Variants in USH2A observed in about 807,000 individuals in gnomAD.
USH2A encodes Usher syndrome 2A (autosomal recessive, mild).
USH2A carries 443 observed loss-of-function variants against 538.9 expected under a neutral mutation model. That is an observed-to-expected ratio of 0.82 (90% CI 0.76 to 0.89). The LOEUF is 0.89. Ranked by LOEUF, USH2A falls within the 40% of genes least tolerant of loss-of-function variation. USH2A has a pLI of 0.00. For missense variants in USH2A, 6,633 were observed against 6,324.8 expected, an observed-to-expected ratio of 1.05 and a Z score of -1.65; for synonymous variants, 2,413 against 2,273.5, an observed-to-expected ratio of 1.06 and a Z score of -1.75.
At chr1:216,415,508 CT>C (rs71161423) in intron 3 of USH2A, among the ~76,000 whole-genome samples, 237 of 96,852 alleles carry the variant, frequency 2.4e-3, no homozygotes, top group Non-Finnish European at 3.1e-3. Context: ...CTTCCTGTCA[CT>C]TTTTTTTTTT....
intron 32 of USH2A, among the ~76,000 whole-genome samples, chr1:216,021,981 C>T (rs1387441838): frequency 1.3e-5 from 2 of 152,044 alleles, no homozygotes; most frequent in Non-Finnish European, 2.9e-5. Context: ...AGTTCTCACT[C>T]TTAGCTCCCA....
intron 9 of USH2A, among the ~76,000 whole-genome samples, chr1:216,296,598 T>G (rs1485868621): frequency 6.6e-6 from 1 of 152,054 alleles, no homozygotes; most frequent in Non-Finnish European, 1.5e-5. Flanking sequence ...TGAGGGAATT[T>G]AGAGAGGAGA....
At chr1:216,194,717 A>G (rs1489356269) in intron 19 of USH2A, among the ~76,000 whole-genome samples, 1 of 152,128 alleles carries the variant, frequency 6.6e-6, no homozygotes, top group Non-Finnish European at 1.5e-5. Flanking sequence ...TTCTACCACC[A>G]CTAAGAAGGA....
At chr1:216,391,460 T>C (rs1558067821) in intron 3 of USH2A, among the ~76,000 whole-genome samples, 1 of 152,018 alleles carries the variant, frequency 6.6e-6, no homozygotes, top group Non-Finnish European at 1.5e-5. Flanking sequence ...TATTAATCTT[T>C]AAAAAAAATG....
chr1:215,662,182 AG>A (rs1233529338), intron 64 of USH2A, among the ~76,000 whole-genome samples: 1 of 152,184 alleles, frequency 6.6e-6, no homozygotes, highest in Non-Finnish European at 1.5e-5. Flanking sequence ...ACAGGACCTA[AG>A]TTTTAGGTGA....
At position 216,247,245 on chromosome 1, in the gene USH2A, TA is replaced by T. The variant is rs779513055; in HGVS notation, c.2168-20del. 6.2e-7 allele frequency: 1 copy of T among 1,613,044 alleles called. No individual in the cohort carries two copies. The highest frequency in any genetic ancestry group is 1.7e-5 in the Admixed American group (1 of 59,966). ...CTAAGCCCTAAAGATAAAATATATTTAAAAGGTGAGGATGGGAAAATGATTT... is the reference window on the plus strand; with the variant it reads ...CTAAGCCCTAAAGATAAAATATATTTAAAGGTGAGGATGGGAAAATGATTT... On this transcript the variant is annotated intron_variant, in intron 12 of 71. Coordinates refer to ENST00000307340, the MANE Select transcript of USH2A (RefSeq NM_206933.4).
chr1:215,756,958 AT>A, intron 58 of USH2A, among the ~76,000 whole-genome samples: 1 of 152,066 alleles, frequency 6.6e-6, no homozygotes, highest in South Asian at 2.1e-4. Flanking sequence ...AAATAAATAA[AT>A]AAATAAAATT....
At chr1:216,366,708 C>T (rs2038607028) in intron 3 of USH2A, among the ~76,000 whole-genome samples, 1 of 151,980 alleles carries the variant, frequency 6.6e-6, no homozygotes, top group East Asian at 1.9e-4. Context: ...TTCTAACCAC[C>T]CTACTTTCAT....
intron 26 of USH2A, among the ~76,000 whole-genome samples, chr1:216,081,581 A>T (rs2031942566): frequency 6.6e-6 from 1 of 151,868 alleles, no homozygotes; most frequent in Non-Finnish European, 1.5e-5. Flanking sequence ...ATATTTATCT[A>T]AGTGTATTGA....
chr1:216,251,179 G>A (rs2036154859), intron 11 of USH2A, 81 bp from the exon 12 acceptor site: 1 of 1,414,824 alleles, frequency 7.1e-7, no homozygotes, highest in Non-Finnish European at 9.9e-7. Flanking sequence ...AGACAGGGAG[G>A]GAGGGAGAAG....
chr1:215,726,469 A>T (rs1659820377), intron 61 of USH2A, among the ~76,000 whole-genome samples: 2 of 152,312 alleles, frequency 1.3e-5, no homozygotes, highest in South Asian at 4.1e-4. Flanking sequence ...GTGGGAAAAC[A>T]TTGTACTTTA....
At chr1:215,689,272 A>C (rs1055777010) in intron 61 of USH2A, among the ~76,000 whole-genome samples, 1 of 152,218 alleles carries the variant, frequency 6.6e-6, no homozygotes, top group Non-Finnish European at 1.5e-5. Flanking sequence ...CATATCTCCC[A>C]AAATCCAGTC....
At chr1:215,808,166 CACTG>C (rs568352872) in intron 49 of USH2A, among the ~76,000 whole-genome samples, 67 of 152,132 alleles carry the variant, frequency 4.4e-4, no homozygotes, top group Middle Eastern at 3.2e-3. Context: ...AAATAGTCAT[CACTG>C]ACTAAGACAT....
intron 4 of USH2A, among the ~76,000 whole-genome samples, chr1:216,333,361 C>G (rs1322376482): frequency 6.6e-6 from 1 of 151,804 alleles, no homozygotes; most frequent in African/African-American, 2.4e-5. Context: ...TCTAAATGAT[C>G]AGAAGAAATA....
At chr1:215,650,853 GAAAA>G (rs371744542) in intron 64 of USH2A, 52 bp from the exon 65 acceptor site, 373 of 1,228,302 alleles carry the variant, frequency 3.0e-4, no homozygotes, top group Middle Eastern at 5.6e-4. Context: ...CTAAGGCTGG[GAAAA>G]AAAAAAAAAA....
chr1:216,358,162 G>T, intron 4 of USH2A, among the ~76,000 whole-genome samples: 1 of 152,154 alleles, frequency 6.6e-6, no homozygotes, highest in Non-Finnish European at 1.5e-5. Context: ...TTATGCTAGA[G>T]ATAAGACTCA....
chr1:215,747,909 G>C (rs181158234), intron 58 of USH2A, among the ~76,000 whole-genome samples: 29,423 of 147,078 alleles, frequency 0.2, 3,163 homozygotes, highest in Non-Finnish European at 0.23. Flanking sequence ...TTTTGAGACG[G>C]AGTCTCGCTC....
intron 37 of USH2A, among the ~76,000 whole-genome samples, chr1:215,944,427 T>C (rs1053197429): frequency 6.6e-6 from 1 of 152,162 alleles, no homozygotes; most frequent in Non-Finnish European, 1.5e-5. Context: ...TTCTCTTGAG[T>C]AAATATTTTT....
chr1:216,175,112 T>C, intron 21 of USH2A, 140 bp downstream of exon 21: 2 of 1,498,748 alleles, frequency 1.3e-6, no homozygotes, highest in Non-Finnish European at 1.8e-6. Flanking sequence ...GCTGAAACAA[T>C]CAGGCAAAAG....
Sources: gnomAD v4.1 joint callset for allele counts (sites outside exome capture counted in the v4.1 genomes callset) on GRCh38, gnomAD v4.1.1 for gene constraint, MANE v1.5 for transcripts, NCBI Gene and HGNC (gene_info 2026-07-23, HGNC 2026-07-21) for gene names.